GAN: variants seen among roughly 807,000 people sequenced by gnomAD.
The protein encoded by GAN is gigaxonin.
A neutral mutation model predicts 71.3 loss-of-function variants in GAN; 48 were observed. The observed-to-expected ratio is 0.67, with a 90% CI of 0.53 to 0.86. The LOEUF (loss-of-function observed/expected upper bound fraction) is 0.86, where lower values mean the gene tolerates loss of function less well. GAN is among the 40% of genes least tolerant of loss of function. The pLI, the probability that GAN is intolerant of heterozygous loss-of-function variation, is 0.00. For synonymous variants in GAN, 386 were observed against 276.8 expected (o/e 1.39, Z -3.92); for missense variants, 928 against 770.1 (o/e 1.21, Z -2.43).
intron 1 of GAN, among the ~76,000 whole-genome samples, chr16:81,350,474 A>G (rs1910263131): frequency 6.6e-6 from 1 of 152,028 alleles, no homozygotes. Flanking sequence ...TCCCAGGAGT[A>G]GACCCAAGGG....
chr16:81,361,438 G>C (rs1178343272), intron 5 of GAN, among the ~76,000 whole-genome samples: 2 of 152,172 alleles, frequency 1.3e-5, no homozygotes, highest in Non-Finnish European at 2.9e-5. Context: ...ATTTAAATCT[G>C]AGTACGAATT....
intron 9 of GAN, among the ~76,000 whole-genome samples, chr16:81,373,235 CAT>C (rs1434239143): frequency 6.6e-6 from 1 of 152,038 alleles, no homozygotes; most frequent in African/African-American, 2.4e-5. Context: ...GAGTGATGAC[CAT>C]ATGACTGTGT....
Position 81,384,271 on chromosome 16 carries a change from C to G in GAN, c.*6675C>G, listed in dbSNP as rs1479840457. On this transcript the variant is annotated 3_prime_UTR_variant, in exon 11 of 11. Coordinates refer to ENST00000648994, the MANE Select transcript of GAN (RefSeq NM_022041.4). ...GTCAGAGGCCTTGAGGAATACAATT[C>G]TCTAAGGCCTGTTTTCCATTTTACT... The G allele has an allele frequency of 6.7e-6, 1 of 148,186 alleles. No homozygotes were observed. Among genetic ancestry groups the G allele is most frequent in the African/African-American group, 2.5e-5 (1 of 40,216 alleles). The allele number at this position is 148,186 out of a possible 1,614,324, so 9.2% of individuals were successfully genotyped here.
chr16:81,344,541 G>A (rs1234107086), intron 1 of GAN, among the ~76,000 whole-genome samples: 1 of 152,154 alleles, frequency 6.6e-6, no homozygotes, highest in Non-Finnish European at 1.5e-5. Context: ...AAATCATGCT[G>A]GGAAAACTGG....
At chr16:81,340,106 T>C (rs969503693) in intron 1 of GAN, among the ~76,000 whole-genome samples, 1 of 152,192 alleles carries the variant, frequency 6.6e-6, no homozygotes, top group African/African-American at 2.4e-5. Flanking sequence ...TATTTGTTCG[T>C]TTCTTTGTTT....
chr16:81,319,310 C>T (rs1445066199), intron 1 of GAN, among the ~76,000 whole-genome samples: 1 of 151,018 alleles, frequency 6.6e-6, no homozygotes, highest in Non-Finnish European at 1.5e-5. Context: ...ACTCTGAGAC[C>T]TTCTGGGGAA....
chr16:81,368,997 A>G (rs1294669376), intron 9 of GAN, among the ~76,000 whole-genome samples: 1 of 152,210 alleles, frequency 6.6e-6, no homozygotes, highest in African/African-American at 2.4e-5. Context: ...ACCCTTTTTT[A>G]GTATCTTTCT....
At chr16:81,350,416 G>T (rs562023508) in intron 1 of GAN, among the ~76,000 whole-genome samples, 1 of 152,300 alleles carries the variant, frequency 6.6e-6, no homozygotes, top group East Asian at 1.9e-4. Context: ...AGTATATGAG[G>T]CTGTAAACAG....
Position 81,336,062 on chromosome 16 carries a change from C to T in GAN, c.168-15521C>T, listed in dbSNP as rs116876442. 6.2e-3 allele frequency among the ~76,000 whole-genome samples: 944 copies of T among 152,242 alleles called. 6 individuals are homozygous for T. Among genetic ancestry groups the T allele is most frequent in the Non-Finnish European group, 0.012 (790 of 68,018 alleles). ...CCTGTGTCTTGTTGCTGTCTCCTAC[C>T]CTCAGCACTCCTCTAACATGTCTTC... On this transcript the variant is annotated intron_variant, in intron 1 of 10. Coordinates refer to ENST00000648994, the MANE Select transcript of GAN (RefSeq NM_022041.4).
At chr16:81,344,501 C>G (rs1024219396) in intron 1 of GAN, among the ~76,000 whole-genome samples, 8 of 152,096 alleles carry the variant, frequency 5.3e-5, no homozygotes, top group African/African-American at 1.9e-4. Context: ...AAACCTGACA[C>G]AAGCAATGGG....
intron 1 of GAN, among the ~76,000 whole-genome samples, chr16:81,318,294 C>G (rs1331159531): frequency 6.6e-6 from 1 of 152,012 alleles, no homozygotes; most frequent in Admixed American, 6.6e-5. Context: ...TTATAAAATT[C>G]TGATTTTGTT....
At chr16:81,328,936 C>T (rs754344889) in intron 1 of GAN, among the ~76,000 whole-genome samples, 2 of 152,140 alleles carry the variant, frequency 1.3e-5, no homozygotes, top group Non-Finnish European at 2.9e-5. Context: ...CCATTTCTAT[C>T]TCCGTGGCTA....
At chr16:81,336,993 C>T (rs767053178) in intron 1 of GAN, among the ~76,000 whole-genome samples, 3 of 151,992 alleles carry the variant, frequency 2.0e-5, no homozygotes, top group African/African-American at 4.8e-5. Flanking sequence ...TGGTGGTGTG[C>T]CTTCTATGGG....
At chr16:81,315,810 AG>A (rs1909019432) in intron 1 of GAN, among the ~76,000 whole-genome samples, 2 of 152,360 alleles carry the variant, frequency 1.3e-5, no homozygotes, top group South Asian at 2.1e-4. Flanking sequence ...CTGGGAGGCC[AG>A]ACAGACAGCG....
At chr16:81,361,911 A>G (rs1178418471) in intron 5 of GAN, among the ~76,000 whole-genome samples, 1 of 151,782 alleles carries the variant, frequency 6.6e-6, no homozygotes, top group African/African-American at 2.4e-5. Context: ...CCTCCTATGA[A>G]CCTCCTGGGC....
chr16:81,375,577 C>G (rs1026179971), intron 9 of GAN, among the ~76,000 whole-genome samples: 3 of 152,048 alleles, frequency 2.0e-5, no homozygotes, highest in African/African-American at 7.2e-5. Context: ...TCACCTGCCT[C>G]AACCTCCCAA....
At chr16:81,364,735 A>G (rs1910792645) in intron 7 of GAN, among the ~76,000 whole-genome samples, 1 of 152,230 alleles carries the variant, frequency 6.6e-6, no homozygotes, top group Non-Finnish European at 1.5e-5. Context: ...TCTTTCAGTT[A>G]GTGAAATAGT....
intron 2 of GAN, among the ~76,000 whole-genome samples, chr16:81,352,844 A>C (rs982156710): frequency 3.9e-5 from 6 of 152,172 alleles, no homozygotes; most frequent in Non-Finnish European, 8.8e-5. Context: ...GCTAAGACCA[A>C]CCTCTCCTCC....
chr16:81,369,624 C>G (rs1247012419), intron 9 of GAN, among the ~76,000 whole-genome samples: 1 of 152,194 alleles, frequency 6.6e-6, no homozygotes, highest in East Asian at 1.9e-4. Flanking sequence ...CGGAGTCTCA[C>G]TCTGTTGCCC....
Sources: gnomAD v4.1 joint callset for allele counts (sites outside exome capture counted in the v4.1 genomes callset) on GRCh38, gnomAD v4.1.1 for gene constraint, MANE v1.5 for transcripts, NCBI Gene and HGNC (gene_info 2026-07-23, HGNC 2026-07-21) for gene names.